Variants in NEMP2 observed in about 807,000 individuals in gnomAD.
NEMP2 encodes the protein UPF0571 transmembrane protein.
Under a neutral mutation model 54.2 loss-of-function variants are expected in NEMP2, and 53 were observed. That is an observed-to-expected ratio of 0.98 (90% CI 0.78 to 1.23). The LOEUF (loss-of-function observed/expected upper bound fraction) is 1.23. NEMP2 is among the 50% of genes most tolerant of loss of function. The pLI is 0.00. For missense variants in NEMP2, 455 were observed against 511.3 expected (o/e 0.89, Z 1.06); for synonymous variants, 197 against 190.3 (o/e 1.04, Z -0.29).
Position 190,508,982 on chromosome 2 carries a change from C to T in NEMP2, c.*207G>A. ...GTGGCTGTCACAGAATTTTGGTATC[C>T]ACCTACAGTACAATAAGTAGCAGAA... On this transcript the variant is annotated 3_prime_UTR_variant, in exon 9 of 9. Coordinates refer to ENST00000409150, the MANE Select transcript of NEMP2 (RefSeq NM_001142645.2). The surrounding 1 kb of genome is among the most constrained non-coding windows in gnomAD (Gnocchi z 4.3). The T allele has an allele frequency of 3.1e-6, 2 of 642,902 alleles. No individual in the cohort carries two copies. The highest frequency in any genetic ancestry group is 5.0e-6 in the Non-Finnish European group (2 of 402,404). 39.8% of individuals were successfully genotyped at this position (642,902 alleles called of 1,614,324 possible).
the NEMP2 span, among the ~76,000 whole-genome samples, chr2:190,565,077 T>C: frequency 6.6e-6 from 1 of 152,152 alleles, no homozygotes; most frequent in African/African-American, 2.4e-5. Context: ...AGCTTATGTA[T>C]GGAACAGTCA....
the NEMP2 span, among the ~76,000 whole-genome samples, chr2:190,472,441 C>T: frequency 2.0e-5 from 3 of 152,124 alleles, no homozygotes; most frequent in Non-Finnish European, 4.4e-5. Flanking sequence ...GTGACAAATG[C>T]ACAAGCCTTA....
At chr2:190,464,122 G>A in the NEMP2 span, among the ~76,000 whole-genome samples, 21 of 152,276 alleles carry the variant, frequency 1.4e-4, no homozygotes, top group East Asian at 3.1e-3. Flanking sequence ...CTGGCCTCGA[G>A]CAACCTTGTA....
chr2:190,602,902 C>T, the NEMP2 span, among the ~76,000 whole-genome samples: 1 of 152,252 alleles, frequency 6.6e-6, no homozygotes, highest in Admixed American at 6.5e-5. Flanking sequence ...CAAGGAGAGA[C>T]TGGGAGAAAT....
chr2:190,462,909 A>T, the NEMP2 span, among the ~76,000 whole-genome samples: 1 of 152,080 alleles, frequency 6.6e-6, no homozygotes, highest in Non-Finnish European at 1.5e-5. The surrounding 1 kb of genome is among the most constrained non-coding windows in gnomAD (Gnocchi z 5.7). Context: ...CACTCTTACC[A>T]CCATTCTAGC....
the NEMP2 span, chr2:190,437,133 C>T: frequency 2.5e-6 from 4 of 1,614,130 alleles, no homozygotes; most frequent in African/African-American, 1.3e-5. The surrounding 1 kb of genome is among the most constrained non-coding windows in gnomAD (Gnocchi z 5.9). Flanking sequence ...ACAGGAATTA[C>T]CAGATCGTCT....
the NEMP2 span, among the ~76,000 whole-genome samples, chr2:190,451,082 G>T: frequency 6.6e-6 from 1 of 152,164 alleles, no homozygotes; most frequent in Non-Finnish European, 1.5e-5. This position sits in a 1 kb window ranked among gnomAD's most constrained non-coding sequence, Gnocchi z 5.0. Context: ...TGGTAGGATC[G>T]TTGAGTAGTG....
chr2:190,581,149 T>A, the NEMP2 span, among the ~76,000 whole-genome samples: 1 of 152,154 alleles, frequency 6.6e-6, no homozygotes. Context: ...GTTCCCTGAG[T>A]AGGCAAAATA....
upstream of NEMP2, among the ~76,000 whole-genome samples, chr2:190,537,001 C>CA (rs1370408652): frequency 6.6e-6 from 1 of 151,980 alleles, no homozygotes; most frequent in African/African-American, 2.4e-5. Flanking sequence ...AAAAGACACC[C>CA]AAAAAAGCAG....
At chr2:190,449,875 A>G in the NEMP2 span, among the ~76,000 whole-genome samples, 52 of 151,862 alleles carry the variant, frequency 3.4e-4, no homozygotes, top group East Asian at 7.8e-4. Context: ...GGGGTGGGGG[A>G]AGGGGGGAGG....
the NEMP2 span, chr2:190,454,139 T>A: frequency 6.6e-6 from 1 of 152,186 alleles, no homozygotes. The surrounding 1 kb of genome is among the most constrained non-coding windows in gnomAD (Gnocchi z 4.6). Flanking sequence ...AGAAAACAGT[T>A]GTTTTATTAC....
the NEMP2 span, among the ~76,000 whole-genome samples, chr2:190,545,343 C>T: frequency 4.6e-5 from 7 of 152,182 alleles, no homozygotes; most frequent in Admixed American, 1.3e-4. Context: ...CCATTCTCTA[C>T]TATCTAGCGT....
At chr2:190,431,600 C>A in the NEMP2 span, among the ~76,000 whole-genome samples, 1 of 152,154 alleles carries the variant, frequency 6.6e-6, no homozygotes, top group East Asian at 1.9e-4. This position sits in a 1 kb window ranked among gnomAD's most constrained non-coding sequence, Gnocchi z 4.4. Flanking sequence ...AGGCACTTGG[C>A]AGGCTGAGGC....
chr2:190,566,204 CTAGAT>C, the NEMP2 span, among the ~76,000 whole-genome samples: 2 of 152,144 alleles, frequency 1.3e-5, no homozygotes, highest in Non-Finnish European at 2.9e-5. Flanking sequence ...ATTCAGTAGA[CTAGAT>C]AGAGAATGTC....
chr2:190,534,975 T>G (rs1369815389), upstream of NEMP2: 6 of 228,860 alleles, frequency 2.6e-5, no homozygotes, highest in South Asian at 3.6e-4. Context: ...GGGCCTCATC[T>G]TCCCCTGGGG....
chr2:190,572,832 A>AGT, the NEMP2 span, among the ~76,000 whole-genome samples: 122 of 14,978 alleles, frequency 8.1e-3, no homozygotes, highest in African/African-American at 0.024. Flanking sequence ...TCTTTTCATG[A>AGT]GTATATATAT....
the NEMP2 span, among the ~76,000 whole-genome samples, chr2:190,578,315 T>C: frequency 5.6e-4 from 86 of 152,280 alleles, 1 homozygote; most frequent in South Asian, 0.016. This position sits in a 1 kb window ranked among gnomAD's most constrained non-coding sequence, Gnocchi z 4.4. Context: ...TTTCCAGAAA[T>C]AGAACTGCCT....
Position 190,504,568 on chromosome 2 carries a change from C to G in NEMP2, c.*4621G>C, listed in dbSNP as rs1005548220. The G allele has an allele frequency of 6.6e-6, 1 of 152,016 alleles. No homozygotes were observed. Among genetic ancestry groups the G allele is most frequent in the Non-Finnish European group, 1.5e-5 (1 of 68,002 alleles). The allele number at this position is 152,016 out of a possible 1,614,324, so 9.4% of individuals were successfully genotyped here. A position where few individuals can be genotyped will look rare whatever the true frequency, so the allele number is the denominator to read the frequency against. On this transcript the variant is annotated 3_prime_UTR_variant, in exon 9 of 9. Transcript: ENST00000409150. This position sits in a 1 kb window ranked among gnomAD's most constrained non-coding sequence, Gnocchi z 5.6. ...GAAAAAAGTGATGATGGTGACAATTCCATAAAGTGCAAAAGTCTGCTGAGA... is the reference window on the plus strand; with the variant it reads ...GAAAAAAGTGATGATGGTGACAATTGCATAAAGTGCAAAAGTCTGCTGAGA...
At chr2:190,544,964 G>A in the NEMP2 span, among the ~76,000 whole-genome samples, 2 of 149,250 alleles carry the variant, frequency 1.3e-5, no homozygotes, top group Non-Finnish European at 3.0e-5. Flanking sequence ...TTAGCTGGGT[G>A]TAGTGGCACA....
Sources: gnomAD v4.1 joint callset for allele counts (sites outside exome capture counted in the v4.1 genomes callset) on GRCh38, gnomAD v4.1.1 for gene constraint, Gnocchi (gnomAD v3.1) non-coding constraint, MANE v1.5 for transcripts, NCBI Gene and HGNC (gene_info 2026-07-23, HGNC 2026-07-21) for gene names.